The following UBXN7 variants were observed in gnomAD, a reference collection of about 807,000 sequenced individuals.
UBXN7 encodes the protein UBX domain-containing protein 7.
A neutral mutation model predicts 58.0 loss-of-function variants in UBXN7; 9 were observed. The observed-to-expected ratio is 0.16, with a 90% CI of 0.09 to 0.27. UBXN7 has a LOEUF of 0.27. Ranked by LOEUF, UBXN7 falls within the 10% of genes least tolerant of loss-of-function variation. UBXN7 has a pLI of 1.00. For missense variants in UBXN7, 328 were observed against 599.6 expected (o/e 0.55, Z 4.73); for synonymous variants, 208 against 205.0 (o/e 1.01, Z -0.12).
chr3:196,368,051 G>T lies in UBXN7; in HGVS notation c.811C>A (p.Pro271Thr), dbSNP rs1728718930. The change falls in exon 8 of 11, where the codon CCC becomes ACC. Residue 271 changes from proline (P) to threonine (T), a missense_variant. This residue lies in a region of UBXN7 where 126 missense variants were observed against 302.6 expected (regional missense o/e 0.42). Coordinates refer to ENST00000296328, the MANE Select transcript of UBXN7 (RefSeq NM_015562.2). ...ACTGAACGGGCACATTTTTTGGGGGGACTGCTAGAAAGTCCATCCAGTTGT... is the reference window on the plus strand; with the variant it reads ...ACTGAACGGGCACATTTTTTGGGGGTACTGCTAGAAAGTCCATCCAGTTGT... ...HGQLDGLSSS[P>T]PKKCARSESL... 1 of 1,612,654 alleles carries T rather than the reference G, an allele frequency of 6.2e-7. No individual in the cohort carries two copies. Among genetic ancestry groups the T allele is most frequent in the Non-Finnish European group, 8.5e-7 (1 of 1,179,450 alleles).
chr3:196,420,098 C>A (rs952818371), intron 1 of UBXN7, among the ~76,000 whole-genome samples: 1 of 152,134 alleles, frequency 6.6e-6, no homozygotes, highest in Non-Finnish European at 1.5e-5. Context: ...AGGGACTTAA[C>A]AATTTCTGAT....
chr3:196,369,436 A>G lies in UBXN7; in HGVS notation c.691T>C (p.Leu231=), dbSNP rs1179681989. ...KLGDFPYVSI[L]DPRTGQKLVE... ...TAAATCTTACCTGTCCGTGGGTCCAATATGGAAACATAGGGGAAATCCCCT... is the reference window on the plus strand; with the variant it reads ...TAAATCTTACCTGTCCGTGGGTCCAGTATGGAAACATAGGGGAAATCCCCT... Residue 231 remains leucine (L), a synonymous_variant, in exon 7 of 11, where the codon TTG becomes CTG. Transcript: ENST00000296328. 1.9e-6 allele frequency: 3 copies of G among 1,612,868 alleles called. No homozygotes were observed. Among genetic ancestry groups the G allele is most frequent in the Admixed American group, 3.3e-5 (2 of 59,886 alleles).
At chr3:196,392,577 C>A (rs555138852) in intron 4 of UBXN7, among the ~76,000 whole-genome samples, 186 of 150,396 alleles carry the variant, frequency 1.2e-3, no homozygotes, top group African/African-American at 4.2e-3. Context: ...CTGAGATGTG[C>A]GGATCACCTG....
rs573274746 is a variant in UBXN7, at chr3:196,417,237, C to T, written c.74-9844G>A. Among the ~76,000 whole-genome samples, 12 of 152,162 alleles carry T rather than the reference C, an allele frequency of 7.9e-5. 1 individual carries two copies. In the South Asian group the frequency reaches 1.5e-3, roughly 18 times the overall value. ...CTGAGGCAGGAGAATGGCGTGAACC[C>T]GGCAGCGGAGCTTGCAGTGAGCCGA... On this transcript the variant is annotated intron_variant, in intron 1 of 10. Coordinates refer to ENST00000296328, the MANE Select transcript of UBXN7 (RefSeq NM_015562.2).
chr3:196,399,246 A>C (rs375498959), intron 3 of UBXN7, among the ~76,000 whole-genome samples: 1 of 152,238 alleles, frequency 6.6e-6, no homozygotes, highest in East Asian at 1.9e-4. Flanking sequence ...GATTTAATGA[A>C]ATTAATCATT....
rs1729580940 is a variant in UBXN7 at position 196,391,521 on chromosome 3, A to T, written c.468+292T>A. 2.6e-5 allele frequency among the ~76,000 whole-genome samples: 4 copies of T among 151,982 alleles called. No homozygotes were observed. The South Asian group carries it at 6.2e-4, about 24-fold the overall frequency. ...TGAGGCAAGAGGATTGCTTGAACCT[A>T]GGCATTCGAGACCAGCCTGGGCGAC... is the stretch of plus-strand genomic sequence containing the variant. On this transcript the variant is annotated intron_variant, in intron 5 of 10. Coordinates refer to ENST00000296328, the MANE Select transcript of UBXN7 (RefSeq NM_015562.2).
At chr3:196,407,666 C>T (rs1296209051) in intron 1 of UBXN7, among the ~76,000 whole-genome samples, 1 of 151,604 alleles carries the variant, frequency 6.6e-6, no homozygotes, top group African/African-American at 2.4e-5. Context: ...ATTTCTTTGG[C>T]CATTTATTTA....
chr3:196,425,658 C>G (rs1050601013), intron 1 of UBXN7, among the ~76,000 whole-genome samples: 1 of 152,100 alleles, frequency 6.6e-6, no homozygotes, highest in African/African-American at 2.4e-5. Context: ...TCCCATTTAT[C>G]TCTTGAGGTC....
chr3:196,378,099 G>T, intron 5 of UBXN7, among the ~76,000 whole-genome samples: 1 of 152,166 alleles, frequency 6.6e-6, no homozygotes, highest in East Asian at 1.9e-4. Context: ...GTGTGTGTTT[G>T]TTTTACGTTA....
intron 7 of UBXN7, among the ~76,000 whole-genome samples, 157 bp downstream of exon 7, chr3:196,369,264 A>C (rs1039634467): frequency 6.6e-6 from 1 of 152,244 alleles, no homozygotes; most frequent in African/African-American, 2.4e-5. Context: ...TACATACATC[A>C]ATAGATGTTT....
chr3:196,407,957 G>C (rs146764545), intron 1 of UBXN7, among the ~76,000 whole-genome samples: 1 of 150,550 alleles, frequency 6.6e-6, no homozygotes, highest in Non-Finnish European at 1.5e-5. Flanking sequence ...AATTTGCCAG[G>C]CATGGTGGTA....
intron 1 of UBXN7, among the ~76,000 whole-genome samples, chr3:196,426,847 C>CAA (rs879857963): frequency 5.0e-5 from 5 of 100,762 alleles, no homozygotes; most frequent in Middle Eastern, 6.5e-3. Context: ...GACTCTGTCT[C>CAA]AAAAAAAAAA....
chr3:196,394,671 G>A (rs1477527766), intron 3 of UBXN7, among the ~76,000 whole-genome samples: 1 of 152,098 alleles, frequency 6.6e-6, no homozygotes, highest in Admixed American at 6.6e-5. Flanking sequence ...AGATTTTGAG[G>A]ATGATGCCAC....
intron 10 of UBXN7, among the ~76,000 whole-genome samples, chr3:196,361,606 T>C (rs2108827074): frequency 6.6e-6 from 1 of 152,294 alleles, no homozygotes; most frequent in African/African-American, 2.4e-5. Flanking sequence ...GCCATCAATA[T>C]CAAGACCCTC....
rs1033753994 is a variant in UBXN7 at position 196,400,505 on chromosome 3, G to GGGCCAA, written c.289+2441_289+2446dup. On this transcript the variant is annotated intron_variant, in intron 3 of 10. Coordinates refer to ENST00000296328, the MANE Select transcript of UBXN7 (RefSeq NM_015562.2). The stretch of plus-strand genomic sequence containing the variant: ...TGGCTCACGCCCGTAACTCCAATAT[G>GGGCCAA]GGCCAAGGCCAAGGCCAAGGCAGGC... 116 of 157,306 alleles carry GGGCCAA rather than the reference G, an allele frequency of 7.4e-4. 2 individuals are homozygous for GGGCCAA. Among genetic ancestry groups the GGGCCAA allele is most frequent in the South Asian group, 1.5e-3 (9 of 5,984 alleles). The allele number at this position is 157,306 out of a possible 1,614,324, so 9.7% of individuals were successfully genotyped here.
intron 5 of UBXN7, among the ~76,000 whole-genome samples, chr3:196,375,750 C>T (rs1194209876): frequency 6.6e-6 from 1 of 152,200 alleles, no homozygotes; most frequent in Non-Finnish European, 1.5e-5. Context: ...GGATTTAGGC[C>T]TGGCATGGTG....
intron 3 of UBXN7, chr3:196,399,813 G>T (rs1435268760): frequency 1.3e-5 from 2 of 152,138 alleles, no homozygotes; most frequent in Non-Finnish European, 2.9e-5. Context: ...GATACAGCCT[G>T]AAGCCACCAC....
intron 1 of UBXN7, among the ~76,000 whole-genome samples, chr3:196,423,027 T>A (rs1334570298): frequency 6.6e-6 from 1 of 152,188 alleles, no homozygotes; most frequent in Non-Finnish European, 1.5e-5. Flanking sequence ...TACACTTACA[T>A]GACATTCTGG....
chr3:196,415,303 G>A (rs1036245243), intron 1 of UBXN7, among the ~76,000 whole-genome samples: 5 of 151,160 alleles, frequency 3.3e-5, no homozygotes, highest in African/African-American at 9.7e-5. Flanking sequence ...ATAGGCGCAC[G>A]CCACCACTCC....
Sources: gnomAD v4.1 joint callset for allele counts (sites outside exome capture counted in the v4.1 genomes callset) on GRCh38, gnomAD v4.1.1 for gene constraint, gnomAD v4.1.1 regional missense constraint, MANE v1.5 for transcripts, NCBI Gene and HGNC (gene_info 2026-07-23, HGNC 2026-07-21) for gene names.